The following VSIG1 variants were observed in gnomAD, a reference collection of about 807,000 sequenced individuals.
The protein encoded by VSIG1 is V-set and immunoglobulin domain containing 1, also known as V-set and immunoglobulin domain-containing protein 1.
VSIG1 carries 11 observed loss-of-function variants against 20.1 expected under a neutral mutation model. That is an observed-to-expected ratio of 0.55 (90% CI 0.34 to 0.91). The LOEUF is 0.91. Among genes scored for constraint, VSIG1 ranks in the 40% least tolerant of loss-of-function variants. The pLI, the probability that VSIG1 is intolerant of heterozygous loss-of-function variation, is 0.02. For synonymous variants in VSIG1, 126 were observed against 116.7 expected (o/e 1.08, Z -0.52); for missense variants, 283 against 298.8 (o/e 0.95, Z 0.39).
At chrX:108,051,334 G>A (rs1430962046) in intron 1 of VSIG1, among the ~76,000 whole-genome samples, 1 of 111,335 alleles carries the variant, frequency 9.0e-6, no homozygotes, top group African/African-American at 3.3e-5. Flanking sequence ...CCCCAACTGA[G>A]AGGCACCTGG....
intron 2 of VSIG1, among the ~76,000 whole-genome samples, chrX:108,063,487 C>T (rs746851038): frequency 4.5e-5 from 5 of 111,000 alleles, no homozygotes; most frequent in East Asian, 2.8e-4. Context: ...GTATTTCAGT[C>T]GGCCTGCCCA....
chrX:108,032,328 G>A, the VSIG1 span, among the ~76,000 whole-genome samples: 1 of 111,854 alleles, frequency 8.9e-6, no homozygotes, highest in Non-Finnish European at 1.9e-5. Context: ...AACATGCACC[G>A]CTTCTGTATC....
At chrX:108,037,818 A>T in the VSIG1 span, among the ~76,000 whole-genome samples, 5 of 112,424 alleles carry the variant, frequency 4.4e-5, no homozygotes, top group African/African-American at 1.3e-4. Flanking sequence ...CTTTCTTGAA[A>T]CTTACATTCT....
chrX:108,048,143 A>G (rs1374366395), intron 1 of VSIG1, among the ~76,000 whole-genome samples: 1 of 104,698 alleles, frequency 9.6e-6, no homozygotes, highest in East Asian at 3.0e-4. Flanking sequence ...AGCTGGGATT[A>G]CAGGCATGCA....
chrX:108,062,760 G>T (rs1211135298), intron 2 of VSIG1, among the ~76,000 whole-genome samples: 1 of 111,543 alleles, frequency 9.0e-6, no homozygotes, highest in East Asian at 2.8e-4. Flanking sequence ...CCTTATACCT[G>T]CACACCCCTT....
chrX:108,040,761 C>T (rs1156684641), upstream of VSIG1, among the ~76,000 whole-genome samples: 1 of 111,552 alleles, frequency 9.0e-6, no homozygotes, highest in African/African-American at 3.3e-5. Flanking sequence ...TGCAGCTGGA[C>T]CTAGTGACAG....
rs369627044 is a variant in VSIG1 at position 108,072,634 on chromosome X, C to G, written c.413-43C>G. 1.2e-5 allele frequency: 14 copies of G among 1,137,239 alleles called. No homozygotes were observed. The African/African-American group carries it at 2.3e-4, about 19-fold the overall frequency. 93.7% of individuals were successfully genotyped at this position (1,137,239 alleles called of 1,213,427 possible). ...AGTGACTGCAATTGTCACAGAATGC[C>G]ATTCATCCTAAAGAATTTTTATTCT... On this transcript the variant is annotated intron_variant, in intron 3 of 6. Coordinates refer to ENST00000217957, the MANE Select transcript of VSIG1 (RefSeq NM_182607.5).
At chrX:108,060,715 T>C (rs1241432576) in intron 2 of VSIG1, among the ~76,000 whole-genome samples, 2 of 112,097 alleles carry the variant, frequency 1.8e-5, no homozygotes, top group African/African-American at 6.5e-5. Context: ...CTTTCAGTTG[T>C]TCCGTTTCCA....
chrX:108,055,389 T>A (rs770336764), intron 1 of VSIG1, among the ~76,000 whole-genome samples: 6 of 111,955 alleles, frequency 5.4e-5, no homozygotes, highest in Non-Finnish European at 1.1e-4. Context: ...TTTAAAGAAT[T>A]ATTAAGATCA....
At chrX:108,066,453 AG>A (rs1198183052) in intron 2 of VSIG1, among the ~76,000 whole-genome samples, 106 of 112,162 alleles carry the variant, frequency 9.5e-4, no homozygotes, top group African/African-American at 3.4e-3. Context: ...TGTGTCTAAA[AG>A]GAGCATGAAC....
chrX:108,044,487 C>T (rs2030529351), upstream of VSIG1, among the ~76,000 whole-genome samples: 2 of 111,715 alleles, frequency 1.8e-5, no homozygotes, highest in South Asian at 3.8e-4. Context: ...GTTTCTAACC[C>T]GACAGACAAA....
At chrX:108,032,339 C>T in the VSIG1 span, among the ~76,000 whole-genome samples, 21 of 111,939 alleles carry the variant, frequency 1.9e-4, no homozygotes, top group African/African-American at 5.9e-4. Flanking sequence ...CTTCTGTATC[C>T]ACCCATCCAT....
the VSIG1 span, among the ~76,000 whole-genome samples, chrX:108,036,069 T>C: frequency 3.1e-5 from 3 of 98,030 alleles, no homozygotes; most frequent in African/African-American, 1.1e-4. Flanking sequence ...TCATCTAGTA[T>C]GTCATCAGCA....
Position 108,072,756 on chromosome X carries a change from G to A in VSIG1, c.492G>A (p.Ala164=), listed in dbSNP as rs779791565. The change falls in exon 4 of 7, where the codon GCG becomes GCA. Residue 164 remains alanine, a synonymous_variant. Transcript: ENST00000217957. The part of the protein sequence containing the change: ...GHTISLSCLS[A]LGTPSPVYYW... ...CTATTTCCCTTTCCTGTCTCTCTGC[G>A]CTTGGAACACCTTCCCCTGTGTACT... The A allele has an allele frequency of 5.0e-6, 6 of 1,210,466 alleles. No homozygotes were observed. The highest frequency in any genetic ancestry group is 2.2e-5 in the Admixed American group (1 of 45,928).
chrX:108,038,664 G>GA, the VSIG1 span, among the ~76,000 whole-genome samples: 1 of 112,074 alleles, frequency 8.9e-6, no homozygotes, highest in Non-Finnish European at 1.9e-5. Context: ...ATACATCATG[G>GA]AATACTATGC....
the VSIG1 span, among the ~76,000 whole-genome samples, chrX:108,026,012 T>C: frequency 4.4e-5 from 5 of 112,807 alleles, no homozygotes; most frequent in Non-Finnish European, 9.4e-5. Context: ...GTCTTGTAGA[T>C]GGAACATGCA....
intron 3 of VSIG1, 41 bp downstream of exon 3, chrX:108,067,175 G>T (rs1345563416): frequency 8.5e-7 from 1 of 1,172,880 alleles, no homozygotes; most frequent in African/African-American, 1.8e-5. Flanking sequence ...CTTGGAAAAA[G>T]TTAGGACACT....
intron 2 of VSIG1, among the ~76,000 whole-genome samples, chrX:108,065,065 C>T (rs1380046136): frequency 1.8e-5 from 2 of 111,741 alleles, no homozygotes; most frequent in East Asian, 2.8e-4. Flanking sequence ...CAAGAAAACA[C>T]GTTGATGTTA....
At chrX:108,067,349 G>A (rs1465418892) in intron 3 of VSIG1, among the ~76,000 whole-genome samples, 4 of 111,287 alleles carry the variant, frequency 3.6e-5, no homozygotes, top group African/African-American at 1.3e-4. Context: ...GTGCAAACGG[G>A]CTGCCAAAAT....
Sources: allele counts gnomAD v4.1 joint callset (sites outside exome capture counted in the v4.1 genomes callset), GRCh38; gene constraint gnomAD v4.1.1; transcripts MANE v1.5; gene names NCBI Gene and HGNC (gene_info 2026-07-23, HGNC 2026-07-21).